Variants in MAN1A1 observed in about 807,000 individuals in gnomAD.
MAN1A1 encodes mannosidase alpha class 1A member 1.
Under a neutral mutation model 70.8 loss-of-function variants are expected in MAN1A1, and 29 were observed. That is an observed-to-expected ratio of 0.41 (90% confidence interval 0.31 to 0.56). The LOEUF (loss-of-function observed/expected upper bound fraction) is 0.56, where lower values mean the gene tolerates loss of function less well. Among genes scored for constraint, MAN1A1 ranks in the 20% least tolerant of loss-of-function variants. MAN1A1 has a pLI of 0.29. For synonymous variants in MAN1A1, 349 were observed against 330.1 expected, an observed-to-expected ratio of 1.06 and a Z score of -0.62; for missense variants, 747 against 841.3, an observed-to-expected ratio of 0.89 and a Z score of 1.39.
chr6:119,288,872 T>C (rs118046908), intron 5 of MAN1A1, among the ~76,000 whole-genome samples: 4,240 of 151,800 alleles, frequency 0.028, 93 homozygotes, highest in Non-Finnish European at 0.045. Flanking sequence ...ACAGAAAACC[T>C]ACATGTAATA....
rs547856228 is a variant in MAN1A1, at chr6:119,231,226, T to C, written c.992+17034A>G. Among the ~76,000 whole-genome samples, 380 of 152,294 alleles carry C rather than the reference T, an allele frequency of 2.5e-3. 5 individuals carry two copies. The highest frequency in any genetic ancestry group is 8.9e-3 in the African/African-American group (372 of 41,572). ...AATGAATCTTGAATTATAATCACCA[T>C]AATCCCCACGTCTCAAGGGTGGGTC... On this transcript the variant is annotated intron_variant, in intron 6 of 12. Coordinates refer to ENST00000368468, the MANE Select transcript of MAN1A1 (RefSeq NM_005907.4).
At chr6:119,216,747 G>T (rs887737519) in intron 6 of MAN1A1, among the ~76,000 whole-genome samples, 10 of 152,020 alleles carry the variant, frequency 6.6e-5, no homozygotes, top group African/African-American at 2.4e-4. Context: ...GTAAAAAATT[G>T]AAAAGAAACA....
intron 6 of MAN1A1, among the ~76,000 whole-genome samples, chr6:119,230,662 G>A (rs1411552927): frequency 6.6e-6 from 1 of 152,172 alleles, no homozygotes; most frequent in Non-Finnish European, 1.5e-5. Context: ...AACTCTGTGA[G>A]AGTCACCAAG....
intron 6 of MAN1A1, among the ~76,000 whole-genome samples, chr6:119,205,754 C>T (rs1773842465): frequency 6.6e-6 from 1 of 152,200 alleles, no homozygotes; most frequent in East Asian, 1.9e-4. Context: ...TCGTTATTCT[C>T]CTAATAAATT....
At chr6:119,301,661 G>C (rs1461072512) in intron 4 of MAN1A1, among the ~76,000 whole-genome samples, 1 of 152,160 alleles carries the variant, frequency 6.6e-6, no homozygotes, top group Non-Finnish European at 1.5e-5. Flanking sequence ...GTAAGCCTCT[G>C]AGGTTAAGAT....
chr6:119,213,417 G>T (rs568151931), intron 6 of MAN1A1, among the ~76,000 whole-genome samples: 1 of 151,848 alleles, frequency 6.6e-6, no homozygotes, highest in Non-Finnish European at 1.5e-5. Context: ...AAAGATTAAA[G>T]AAAAAGACAA....
intron 6 of MAN1A1, among the ~76,000 whole-genome samples, chr6:119,236,928 G>A (rs538495229): frequency 1.3e-5 from 2 of 152,228 alleles, no homozygotes; most frequent in Admixed American, 6.5e-5. Flanking sequence ...CAGGAGTTTG[G>A]AAGAAGTTGA....
At chr6:119,213,839 A>G (rs1175097036) in intron 6 of MAN1A1, among the ~76,000 whole-genome samples, 21 of 152,216 alleles carry the variant, frequency 1.4e-4, no homozygotes, top group Admixed American at 1.4e-3. Context: ...TTATTACTCA[A>G]GAGTTAAAAT....
chr6:119,248,321 T>C lies in MAN1A1; in HGVS notation c.931A>G (p.Lys311Glu). 6.2e-7 allele frequency: 1 copy of C among 1,613,450 alleles called. No homozygotes were observed. The highest frequency in any genetic ancestry group is 8.5e-7 in the Non-Finnish European group (1 of 1,179,408). Residue 311 changes from lysine to glutamate, a missense_variant, in exon 6 of 13, where the codon AAA (lysine) becomes GAA (glutamate). Physicochemically the swap from Lys to Glu is moderately conservative, Grantham distance 56. Around this residue, in one of 2 missense-constraint regions of MAN1A1, gnomAD observed 419 missense variants for 548.2 expected, o/e 0.76. Transcript: ENST00000368468. ...GGAGTATGAAATGCAGGTAGCAATT[T>C]TACCCCAAGTTCCACTGCTTTCTTT... ...FRKKAVELGVKLLPAFHTPSG... is the reference protein window; with the variant it reads ...FRKKAVELGVELLPAFHTPSG...
intron 5 of MAN1A1, among the ~76,000 whole-genome samples, chr6:119,279,069 C>T (rs879626708): frequency 7.2e-5 from 11 of 152,130 alleles, no homozygotes; most frequent in Non-Finnish European, 1.6e-4. Flanking sequence ...CCCCCTCAAC[C>T]ATTCAATCTC....
chr6:119,327,147 A>G (rs1217380178), intron 2 of MAN1A1: 1 of 152,164 alleles, frequency 6.6e-6, no homozygotes, highest in African/African-American at 2.4e-5. Context: ...GGTGGGCCCA[A>G]TCTAATAAGT....
chr6:119,256,239 T>A (rs1354883791), intron 5 of MAN1A1, among the ~76,000 whole-genome samples: 2 of 152,198 alleles, frequency 1.3e-5, no homozygotes, highest in Non-Finnish European at 2.9e-5. Flanking sequence ...AAGCATAGTT[T>A]AAAAATCTAA....
chr6:119,340,965 A>C (rs1469735552), intron 2 of MAN1A1, among the ~76,000 whole-genome samples: 1 of 152,208 alleles, frequency 6.6e-6, no homozygotes, highest in Non-Finnish European at 1.5e-5. Flanking sequence ...ACGAGCGAGA[A>C]GGAGTCATTC....
chr6:119,188,672 A>G (rs1395005392), intron 10 of MAN1A1, 95 bp from the exon 11 acceptor site: 1 of 1,087,514 alleles, frequency 9.2e-7, no homozygotes, highest in East Asian at 2.4e-5. Flanking sequence ...GTCATCCCTC[A>G]GTATCTATGA....
At chr6:119,319,297 T>C (rs1772938696) in intron 2 of MAN1A1, among the ~76,000 whole-genome samples, 1 of 151,798 alleles carries the variant, frequency 6.6e-6, no homozygotes, top group South Asian at 2.1e-4. Flanking sequence ...TGCATTACTC[T>C]AACCCTTCTG....
chr6:119,198,887 TACA>T (rs1184966560), intron 8 of MAN1A1, among the ~76,000 whole-genome samples: 1 of 152,244 alleles, frequency 6.6e-6, no homozygotes, highest in Admixed American at 6.5e-5. Context: ...TCTTTGATAT[TACA>T]ACAATAGTCA....
intron 5 of MAN1A1, among the ~76,000 whole-genome samples, chr6:119,249,735 C>T (rs1775267828): frequency 6.6e-6 from 1 of 152,112 alleles, no homozygotes. Flanking sequence ...GGCACTTGGG[C>T]TCCCAGACTG....
Position 119,312,084 on chromosome 6 carries a change from T to C in MAN1A1, c.604-5092A>G, listed in dbSNP as rs79295590. On this transcript the variant is annotated intron_variant, in intron 2 of 12. Transcript: ENST00000368468. ...GCTGTTTGTCATGAAAGGGAAGAAG[T>C]TCTGTGGTCCAGTGATACTCATGTC... Among the ~76,000 whole-genome samples the C allele has an allele frequency of 5.8e-3, 888 of 152,162 alleles. 29 individuals are homozygous for C. In the East Asian group the frequency reaches 0.089, roughly 15 times the overall value.
At chr6:119,346,382 A>G (rs73529013) in intron 2 of MAN1A1, among the ~76,000 whole-genome samples, 1,871 of 152,084 alleles carry the variant, frequency 0.012, 42 homozygotes, top group African/African-American at 0.043. Flanking sequence ...ATCATAATCC[A>G]TTTCTTCCCA....
Sources: allele counts gnomAD v4.1 joint callset (sites outside exome capture counted in the v4.1 genomes callset), GRCh38; gene constraint gnomAD v4.1.1; regional missense constraint gnomAD v4.1.1; transcripts MANE v1.5; gene names NCBI Gene and HGNC (gene_info 2026-07-23, HGNC 2026-07-21).